Variants in PLXDC2 observed in about 807,000 individuals in gnomAD.
PLXDC2 encodes plexin domain-containing protein 2.
In PLXDC2, 40 loss-of-function variants were observed where a neutral mutation model predicts 68.9. The observed-to-expected ratio is 0.58, with a 90% CI of 0.45 to 0.76. The LOEUF (loss-of-function observed/expected upper bound fraction) is 0.76. Among genes scored for constraint, PLXDC2 ranks in the 30% least tolerant of loss-of-function variants. The pLI is 0.00. For missense variants in PLXDC2, 644 were observed against 661.9 expected (o/e 0.97, Z 0.30); for synonymous variants, 243 against 234.2 (o/e 1.04, Z -0.34).
chr10:20,145,153 G>C (rs1454609582), intron 5 of PLXDC2, among the ~76,000 whole-genome samples: 3 of 152,240 alleles, frequency 2.0e-5, no homozygotes, highest in African/African-American at 7.2e-5. Context: ...TTATGTCTGA[G>C]AATTGTAAAA....
At chr10:19,924,082 G>C (rs543258407) in intron 1 of PLXDC2, among the ~76,000 whole-genome samples, 1 of 152,048 alleles carries the variant, frequency 6.6e-6, no homozygotes, top group Non-Finnish European at 1.5e-5. Flanking sequence ...GTCCCAACCG[G>C]CCAGCATTTA....
intron 2 of PLXDC2, among the ~76,000 whole-genome samples, chr10:20,029,249 A>G (rs1369931250): frequency 1.3e-5 from 2 of 152,194 alleles, no homozygotes; most frequent in Admixed American, 6.5e-5. Context: ...TTTGGAAAAG[A>G]GATATTTGAA....
intron 2 of PLXDC2, among the ~76,000 whole-genome samples, chr10:20,044,257 CT>C (rs1166281817): frequency 8.7e-6 from 1 of 115,068 alleles, no homozygotes; most frequent in African/African-American, 4.0e-5. Context: ...TTCTTTCTTT[CT>C]TTCTTTCTTT....
intron 4 of PLXDC2, among the ~76,000 whole-genome samples, chr10:20,115,278 A>T (rs1833607158): frequency 6.6e-6 from 1 of 152,032 alleles, no homozygotes; most frequent in Non-Finnish European, 1.5e-5. Context: ...TGCAACCTTG[A>T]CTCATGTCAG....
At chr10:20,018,619 C>T (rs1283753206) in intron 2 of PLXDC2, among the ~76,000 whole-genome samples, 2 of 152,092 alleles carry the variant, frequency 1.3e-5, no homozygotes, top group African/African-American at 4.8e-5. Context: ...AGTATTTAAA[C>T]ATATGGAGAA....
At chr10:19,988,248 A>C (rs1834682751) in intron 1 of PLXDC2, among the ~76,000 whole-genome samples, 1 of 152,240 alleles carries the variant, frequency 6.6e-6, no homozygotes, top group Non-Finnish European at 1.5e-5. Context: ...TGATATGTGT[A>C]GCTTCCAGGA....
At chr10:19,866,741 A>T (rs979964033) in intron 1 of PLXDC2, among the ~76,000 whole-genome samples, 10 of 152,244 alleles carry the variant, frequency 6.6e-5, no homozygotes, top group African/African-American at 2.4e-4. Context: ...CCAGATGGCC[A>T]AGAGGCAAAG....
intron 4 of PLXDC2, among the ~76,000 whole-genome samples, chr10:20,136,383 A>G (rs1170092659): frequency 6.6e-6 from 1 of 152,228 alleles, no homozygotes. Context: ...GGTAGTTTAT[A>G]GTATATGACC....
rs1241444519 is a variant in PLXDC2 at position 20,288,687 on chromosome 10, T to G, written c.*8868T>G. On this transcript the variant is annotated 3_prime_UTR_variant, in exon 14 of 14. Transcript: ENST00000377252. ...TACCTGGGGATTATTACAATTGCAA[T>G]AAGTCATTAATGTTTTCTTCACACA... 2 of 152,228 alleles carry G rather than the reference T, an allele frequency of 1.3e-5. No homozygotes were observed. Among genetic ancestry groups the G allele is most frequent in the Admixed American group, 1.3e-4 (2 of 15,292 alleles). The allele number at this position is 152,228 out of a possible 1,614,324, so 9.4% of individuals were successfully genotyped here.
chr10:19,936,498 C>T (rs1470511485), intron 1 of PLXDC2, among the ~76,000 whole-genome samples: 1 of 152,126 alleles, frequency 6.6e-6, no homozygotes, highest in Non-Finnish European at 1.5e-5. Flanking sequence ...TTTACAAAAA[C>T]AGGTGATGGC....
At chr10:19,904,714 G>A (rs1040079797) in intron 1 of PLXDC2, among the ~76,000 whole-genome samples, 1 of 152,216 alleles carries the variant, frequency 6.6e-6, no homozygotes, top group East Asian at 1.9e-4. Flanking sequence ...CATGATATGA[G>A]TTTTGACATG....
At chr10:20,037,407 C>T (rs572746189) in intron 2 of PLXDC2, among the ~76,000 whole-genome samples, 3 of 151,556 alleles carry the variant, frequency 2.0e-5, no homozygotes, top group Non-Finnish European at 2.9e-5. Flanking sequence ...ATGTGCACAA[C>T]GTGCAGGTTT....
intron 2 of PLXDC2, among the ~76,000 whole-genome samples, chr10:20,029,359 A>G (rs544537911): frequency 3.9e-5 from 6 of 152,302 alleles, no homozygotes; most frequent in African/African-American, 1.4e-4. Context: ...TAATCCATGC[A>G]TCATGAATAC....
intron 1 of PLXDC2, among the ~76,000 whole-genome samples, chr10:19,958,416 A>T (rs926608607): frequency 6.6e-6 from 1 of 152,136 alleles, no homozygotes; most frequent in Non-Finnish European, 1.5e-5. Context: ...CTACAGACCT[A>T]AAATAAATTA....
intron 9 of PLXDC2, among the ~76,000 whole-genome samples, chr10:20,189,626 T>A (rs887346470): frequency 8.0e-5 from 12 of 149,774 alleles, no homozygotes; most frequent in Non-Finnish European, 1.3e-4. Context: ...ATTCAAAACT[T>A]TTCAGAAGCA....
At chr10:20,096,662 T>C (rs1411462060) in intron 4 of PLXDC2, among the ~76,000 whole-genome samples, 6 of 152,132 alleles carry the variant, frequency 3.9e-5, no homozygotes. Flanking sequence ...GGAGAAATAA[T>C]TTAGGCCTAA....
chr10:20,155,138 A>C (rs1834201419), intron 6 of PLXDC2, among the ~76,000 whole-genome samples: 1 of 152,158 alleles, frequency 6.6e-6, no homozygotes, highest in Non-Finnish European at 1.5e-5. Flanking sequence ...CACCATTGCC[A>C]ATTAGTTGTA....
chr10:19,889,083 G>C (rs545813138), intron 1 of PLXDC2, among the ~76,000 whole-genome samples: 2 of 151,888 alleles, frequency 1.3e-5, no homozygotes, highest in East Asian at 3.9e-4. Context: ...TAATATAATA[G>C]AGCCCAAATT....
At chr10:20,209,206 G>T (rs1239945063) in intron 9 of PLXDC2, among the ~76,000 whole-genome samples, 1 of 152,092 alleles carries the variant, frequency 6.6e-6, no homozygotes, top group Non-Finnish European at 1.5e-5. Context: ...GGAGTGCTAC[G>T]GGAGACTGGA....
Sources: allele counts gnomAD v4.1 joint callset (sites outside exome capture counted in the v4.1 genomes callset), GRCh38; gene constraint gnomAD v4.1.1; transcripts MANE v1.5; gene names NCBI Gene and HGNC (gene_info 2026-07-23, HGNC 2026-07-21).